Variants in USH2A observed in about 807,000 individuals in gnomAD.
USH2A encodes Usher syndrome 2A (autosomal recessive, mild).
USH2A carries 443 observed loss-of-function variants against 538.9 expected under a neutral mutation model. That is an observed-to-expected ratio of 0.82 (90% CI 0.76 to 0.89). The LOEUF is 0.89. Among genes scored for constraint, USH2A ranks in the 40% least tolerant of loss-of-function variants. The probability of loss-of-function intolerance (pLI) is 0.00; values close to 1 mark genes in which losing one functional copy is unlikely to be tolerated. For synonymous variants in USH2A, 2,413 were observed against 2,273.5 expected, an observed-to-expected ratio of 1.06 and a Z score of -1.75; for missense variants, 6,633 against 6,324.8, an observed-to-expected ratio of 1.05 and a Z score of -1.65.
intron 58 of USH2A, among the ~76,000 whole-genome samples, chr1:215,754,591 G>T (rs781516036): frequency 3.3e-5 from 5 of 151,930 alleles, no homozygotes; most frequent in South Asian, 2.1e-4. Flanking sequence ...CAATCTTTTG[G>T]CTTCCCTGGG....
chr1:216,145,086 C>G (rs1158804630), intron 21 of USH2A, among the ~76,000 whole-genome samples: 1 of 152,142 alleles, frequency 6.6e-6, no homozygotes, highest in East Asian at 1.9e-4. Flanking sequence ...CTTCAGCATT[C>G]CCTCCTTCCC....
chr1:215,765,348 G>T (rs1661096327), intron 56 of USH2A, among the ~76,000 whole-genome samples: 2 of 152,028 alleles, frequency 1.3e-5, no homozygotes, highest in South Asian at 4.2e-4. Context: ...TGAATTCCTG[G>T]TGAGGAGCCA....
intron 13 of USH2A, among the ~76,000 whole-genome samples, chr1:216,233,031 G>A (rs2035732282): frequency 6.6e-6 from 1 of 152,142 alleles, no homozygotes; most frequent in African/African-American, 2.4e-5. Context: ...CTCTTGTCCT[G>A]TTCCAATCTA....
At chr1:216,258,243 T>A (rs1328587961) in intron 11 of USH2A, among the ~76,000 whole-genome samples, 1 of 152,092 alleles carries the variant, frequency 6.6e-6, no homozygotes, top group Non-Finnish European at 1.5e-5. Context: ...TTAGGTGGTA[T>A]TGAAGTAGTT....
chr1:215,854,081 A>G (rs1664092215), intron 44 of USH2A, among the ~76,000 whole-genome samples: 1 of 152,160 alleles, frequency 6.6e-6, no homozygotes, highest in African/African-American at 2.4e-5. Context: ...ATAAAGACAT[A>G]CTGGAGATTG....
intron 60 of USH2A, among the ~76,000 whole-genome samples, chr1:215,736,191 G>C (rs868702151): frequency 6.6e-6 from 1 of 152,096 alleles, no homozygotes; most frequent in Non-Finnish European, 1.5e-5. Flanking sequence ...AAACTCCTTA[G>C]ATCTAAAATC....
intron 35 of USH2A, among the ~76,000 whole-genome samples, chr1:215,985,997 A>T (rs1365228949): frequency 6.6e-6 from 1 of 152,220 alleles, no homozygotes; most frequent in Non-Finnish European, 1.5e-5. Context: ...AAATTCTCAC[A>T]AAGATGGGCC....
Position 215,817,069 on chromosome 1 carries a change from C to T in USH2A, c.9498G>A (p.Glu3166=). 3.7e-6 allele frequency: 6 copies of T among 1,612,810 alleles called. No individual in the cohort carries two copies. Among genetic ancestry groups the T allele is most frequent in the Non-Finnish European group, 4.2e-6 (5 of 1,179,086 alleles). Residue 3166 remains glutamate, a synonymous_variant, in exon 48 of 72, where the codon GAG becomes GAA. Transcript: ENST00000307340. ...TQKLVQDQSD[E]LCKAVRCQKP... is the part of the protein sequence containing the mutation. ...TTTGACACCTCACTGCCTTGCAGAG[C>T]TCATCACTCTGATCCTGCACTAACT...
intron 14 of USH2A, among the ~76,000 whole-genome samples, chr1:216,225,191 G>A (rs1204606319): frequency 2.6e-5 from 4 of 151,900 alleles, no homozygotes; most frequent in Non-Finnish European, 4.4e-5. Flanking sequence ...TTTCAATATA[G>A]CCAATGTTGG....
intron 21 of USH2A, among the ~76,000 whole-genome samples, chr1:216,120,846 G>A (rs1054541887): frequency 4.6e-5 from 7 of 151,808 alleles, no homozygotes; most frequent in East Asian, 2.0e-4. Context: ...GTGAGACTCC[G>A]TCTCAAAAAA....
At chr1:216,135,594 C>T (rs1414604149) in intron 21 of USH2A, among the ~76,000 whole-genome samples, 1 of 152,016 alleles carries the variant, frequency 6.6e-6, no homozygotes, top group Admixed American at 6.6e-5. Flanking sequence ...TTTACTATAA[C>T]TGTTATACTG....
intron 22 of USH2A, among the ~76,000 whole-genome samples, chr1:216,089,361 T>A (rs1169011723): frequency 6.6e-6 from 1 of 152,140 alleles, no homozygotes; most frequent in Non-Finnish European, 1.5e-5. Flanking sequence ...TACAGATCTG[T>A]AAAGGTCTCA....
At chr1:215,839,016 AT>A in intron 46 of USH2A, among the ~76,000 whole-genome samples, 1 of 152,256 alleles carries the variant, frequency 6.6e-6, no homozygotes. Flanking sequence ...GGCAAATGGG[AT>A]TCTTGTATTT....
intron 47 of USH2A, among the ~76,000 whole-genome samples, chr1:215,821,743 G>T (rs1663022638): frequency 6.6e-6 from 1 of 151,788 alleles, no homozygotes; most frequent in South Asian, 2.1e-4. Context: ...ACAGTTTCAG[G>T]TCTCAGACTT....
intron 21 of USH2A, among the ~76,000 whole-genome samples, chr1:216,116,698 C>A (rs1571974096): frequency 6.6e-6 from 1 of 152,142 alleles, no homozygotes; most frequent in Non-Finnish European, 1.5e-5. Context: ...ACAGTCTCCA[C>A]TCCTGATTCT....
intron 61 of USH2A, among the ~76,000 whole-genome samples, chr1:215,703,547 G>A (rs1204395815): frequency 6.6e-6 from 1 of 152,196 alleles, no homozygotes; most frequent in Non-Finnish European, 1.5e-5. Context: ...TCTGGCTACA[G>A]CGGCTTTGCG....
At chr1:216,106,328 T>C (rs1184718179) in intron 21 of USH2A, among the ~76,000 whole-genome samples, 1 of 144,448 alleles carries the variant, frequency 6.9e-6, no homozygotes, top group Non-Finnish European at 1.5e-5. Context: ...TATATATATA[T>C]ATATGTATAT....
intron 20 of USH2A, among the ~76,000 whole-genome samples, chr1:216,181,962 G>C (rs10495020): frequency 6.6e-6 from 1 of 151,940 alleles, no homozygotes; most frequent in Non-Finnish European, 1.5e-5. Context: ...AGAAAGTAGC[G>C]TCACTGATCT....
intron 43 of USH2A, among the ~76,000 whole-genome samples, chr1:215,871,833 G>A (rs1296962944): frequency 6.6e-6 from 1 of 152,164 alleles, no homozygotes; most frequent in Non-Finnish European, 1.5e-5. Context: ...TTTGGGGCAG[G>A]TTTTGATAAG....
Sources: gnomAD v4.1 joint callset for allele counts (sites outside exome capture counted in the v4.1 genomes callset) on GRCh38, gnomAD v4.1.1 for gene constraint, MANE v1.5 for transcripts, NCBI Gene and HGNC (gene_info 2026-07-23, HGNC 2026-07-21) for gene names.